Variants in ATRNL1 observed in about 807,000 individuals in gnomAD.
ATRNL1 encodes attractin-like protein 1.
Under a neutral mutation model 182.7 loss-of-function variants are expected in ATRNL1, and 95 were observed. That is an observed-to-expected ratio of 0.52 (90% confidence interval 0.44 to 0.62). The LOEUF is 0.62. Among genes scored for constraint, ATRNL1 ranks in the 20% least tolerant of loss-of-function variants. The probability of loss-of-function intolerance (pLI) is 0.00; values close to 1 mark genes in which losing one functional copy is unlikely to be tolerated. For missense variants in ATRNL1, 1,471 were observed against 1,679.5 expected, an observed-to-expected ratio of 0.88 and a Z score of 2.17; for synonymous variants, 576 against 568.3, an observed-to-expected ratio of 1.01 and a Z score of -0.19.
At chr10:115,526,874 T>C (rs1225035571) in intron 25 of ATRNL1, among the ~76,000 whole-genome samples, 1 of 152,120 alleles carries the variant, frequency 6.6e-6, no homozygotes, top group Non-Finnish European at 1.5e-5. Flanking sequence ...AGCCTGAGAA[T>C]GCAGGGCACT....
Position 115,424,270 on chromosome 10 carries a change from C to G in ATRNL1, c.3270-1980C>G, listed in dbSNP as rs1054475540. On this transcript the variant is annotated intron_variant, in intron 20 of 28. Coordinates refer to ENST00000355044, the MANE Select transcript of ATRNL1 (RefSeq NM_207303.4). Reference sequence around the variant, plus strand: ...GTTAGAATGGCTGTTATGAAAAAGACAAAAAAATAACAAATACTGGCGAGG... The same window carrying G: ...GTTAGAATGGCTGTTATGAAAAAGAGAAAAAAATAACAAATACTGGCGAGG... 2.0e-5 allele frequency among the ~76,000 whole-genome samples: 3 copies of G among 152,042 alleles called. No individual in the cohort carries two copies. In the East Asian group the frequency reaches 5.8e-4, roughly 29 times the overall value.
At chr10:115,340,741 C>G (rs1339536277) in intron 19 of ATRNL1, among the ~76,000 whole-genome samples, 2 of 151,012 alleles carry the variant, frequency 1.3e-5, no homozygotes, top group Non-Finnish European at 3.0e-5. Context: ...GGATTTCTTC[C>G]CAGTTCAATC....
At chr10:115,921,995 C>T (rs782360429) in intron 28 of ATRNL1, among the ~76,000 whole-genome samples, 1 of 152,168 alleles carries the variant, frequency 6.6e-6, no homozygotes, top group Non-Finnish European at 1.5e-5. Context: ...TGTTGACTCA[C>T]CTCCAGTTGT....
At chr10:115,627,685 AATTT>A (rs1858197510) in intron 26 of ATRNL1, among the ~76,000 whole-genome samples, 1 of 151,914 alleles carries the variant, frequency 6.6e-6, no homozygotes, top group African/African-American at 2.4e-5. Flanking sequence ...TTCATACCAC[AATTT>A]ATTTGTCACT....
chr10:115,779,424 A>G (rs538808930), intron 27 of ATRNL1, among the ~76,000 whole-genome samples: 2 of 152,208 alleles, frequency 1.3e-5, no homozygotes, highest in Non-Finnish European at 1.5e-5. Flanking sequence ...GAGGGAGTTA[A>G]TATTTATAAT....
chr10:115,940,672 ACTCTCTCT>A (rs144547639), intron 28 of ATRNL1, among the ~76,000 whole-genome samples: 2 of 128,820 alleles, frequency 1.6e-5, no homozygotes, highest in African/African-American at 3.6e-5. Flanking sequence ...GACAGAGATT[ACTCTCTCT>A]CTCTCTCTCT....
intron 8 of ATRNL1, among the ~76,000 whole-genome samples, chr10:115,193,571 T>C (rs1554890342): frequency 6.6e-6 from 1 of 151,976 alleles, no homozygotes; most frequent in African/African-American, 2.4e-5. Flanking sequence ...GTCTCCTTTT[T>C]CATCTCTGAT....
chr10:115,639,823 C>CT (rs1859120335), intron 26 of ATRNL1, among the ~76,000 whole-genome samples: 1 of 151,170 alleles, frequency 6.6e-6, no homozygotes, highest in Non-Finnish European at 1.5e-5. Flanking sequence ...TTTGATTATA[C>CT]TTTAAGTTCT....
chr10:115,263,918 C>T (rs1851496233), intron 10 of ATRNL1, among the ~76,000 whole-genome samples: 1 of 151,636 alleles, frequency 6.6e-6, no homozygotes, highest in Non-Finnish European at 1.5e-5. Context: ...GGTTTCTGTA[C>T]CTTTACACTC....
At chr10:115,608,545 G>C (rs1240292022) in intron 26 of ATRNL1, among the ~76,000 whole-genome samples, 2 of 151,978 alleles carry the variant, frequency 1.3e-5, no homozygotes, top group Non-Finnish European at 2.9e-5. Flanking sequence ...TGGATTCATT[G>C]TTATTACTAA....
intron 8 of ATRNL1, among the ~76,000 whole-genome samples, chr10:115,175,006 G>A (rs1592212383): frequency 6.6e-6 from 1 of 151,884 alleles, no homozygotes; most frequent in Non-Finnish European, 1.5e-5. Context: ...CCTCCACGGA[G>A]CATATTTTTA....
At chr10:115,166,438 G>T (rs1472003644) in intron 7 of ATRNL1, among the ~76,000 whole-genome samples, 1 of 150,928 alleles carries the variant, frequency 6.6e-6, no homozygotes, top group African/African-American at 2.4e-5. Context: ...TTGCTAAATC[G>T]TATGGTAATT....
chr10:115,713,710 A>ATCATCTG (rs1947154529), intron 26 of ATRNL1, among the ~76,000 whole-genome samples: 1 of 90,770 alleles, frequency 1.1e-5, no homozygotes, highest in Non-Finnish European at 2.6e-5. Context: ...TCTATCATCT[A>ATCATCTG]TCTATCTATC....
chr10:115,472,472 A>G (rs1314738785), intron 24 of ATRNL1, among the ~76,000 whole-genome samples: 4 of 151,120 alleles, frequency 2.6e-5, no homozygotes, highest in Admixed American at 6.6e-5. Flanking sequence ...CTTCCAATCA[A>G]TGAACATAGG....
intron 21 of ATRNL1, among the ~76,000 whole-genome samples, chr10:115,455,296 CA>C (rs1232002927): frequency 2.6e-5 from 4 of 151,872 alleles, no homozygotes; most frequent in African/African-American, 4.8e-5. Context: ...CTTGGTAGAC[CA>C]ATGGAACAGA....
At chr10:115,358,478 C>T (rs1417066806) in intron 19 of ATRNL1, among the ~76,000 whole-genome samples, 7 of 151,286 alleles carry the variant, frequency 4.6e-5, no homozygotes, top group African/African-American at 1.5e-4. Flanking sequence ...CTCAATAATA[C>T]ATTTTCCTTG....
At chr10:115,779,545 A>G (rs1378244764) in intron 27 of ATRNL1, among the ~76,000 whole-genome samples, 1 of 152,202 alleles carries the variant, frequency 6.6e-6, no homozygotes, top group African/African-American at 2.4e-5. Flanking sequence ...TTCCATCTTG[A>G]ATTTCATTCC....
At chr10:115,736,540 G>A (rs1419076363) in intron 27 of ATRNL1, among the ~76,000 whole-genome samples, 2 of 151,952 alleles carry the variant, frequency 1.3e-5, no homozygotes, top group Non-Finnish European at 2.9e-5. Context: ...TAAATCTGTT[G>A]ATTATTTCTG....
intron 27 of ATRNL1, among the ~76,000 whole-genome samples, chr10:115,810,544 G>A (rs1240108955): frequency 7.2e-5 from 11 of 151,906 alleles, no homozygotes; most frequent in African/African-American, 1.9e-4. Flanking sequence ...AGATAATAAA[G>A]TGGCAATTAT....
Sources: gnomAD v4.1 joint callset for allele counts (sites outside exome capture counted in the v4.1 genomes callset) on GRCh38, gnomAD v4.1.1 for gene constraint, MANE v1.5 for transcripts, NCBI Gene and HGNC (gene_info 2026-07-23, HGNC 2026-07-21) for gene names.